The following DCC variants were observed in gnomAD, a reference collection of about 807,000 sequenced individuals.
DCC encodes DCC netrin 1 receptor, also known as netrin receptor DCC.
In DCC, 58 loss-of-function variants were observed where a neutral mutation model predicts 172.5. That is an observed-to-expected ratio of 0.34 (90% CI 0.27 to 0.42). The LOEUF (loss-of-function observed/expected upper bound fraction) is 0.42, where lower values mean the gene tolerates loss of function less well. DCC is among the 10% of genes least tolerant of loss of function. The pLI is 1.00. For missense variants in DCC, 1,740 were observed against 1,791.0 expected (o/e 0.97, Z 0.51); for synonymous variants, 709 against 644.5 (o/e 1.10, Z -1.52).
chr18:53,232,996 C>T (rs2056146663), intron 12 of DCC, among the ~76,000 whole-genome samples: 1 of 151,276 alleles, frequency 6.6e-6, no homozygotes, highest in Non-Finnish European at 1.5e-5. Flanking sequence ...AAAACTGGAC[C>T]TTGTGGTTGA....
At chr18:52,488,201 G>T (rs2030326423) in intron 1 of DCC, among the ~76,000 whole-genome samples, 1 of 152,002 alleles carries the variant, frequency 6.6e-6, no homozygotes, top group South Asian at 2.1e-4. Context: ...CTCATTTTTT[G>T]CAGACTCTTC....
intron 5 of DCC, among the ~76,000 whole-genome samples, chr18:52,978,241 T>C (rs557770798): frequency 6.6e-6 from 1 of 152,086 alleles, no homozygotes; most frequent in African/African-American, 2.4e-5. Context: ...GGAAAATTGC[T>C]GGAAGAGGGG....
chr18:53,072,456 T>C (rs1020659280), intron 7 of DCC, among the ~76,000 whole-genome samples: 1 of 152,204 alleles, frequency 6.6e-6, no homozygotes, highest in African/African-American at 2.4e-5. Flanking sequence ...AGATGTTGCA[T>C]GGCATTCCGT....
At chr18:52,757,950 G>T (rs8082968) in intron 2 of DCC, among the ~76,000 whole-genome samples, 16,149 of 151,988 alleles carry the variant, frequency 0.11, 2,849 homozygotes, top group African/African-American at 0.37. Flanking sequence ...ATTTCAGAAC[G>T]CTGTAAACAA....
intron 1 of DCC, among the ~76,000 whole-genome samples, chr18:52,439,228 T>C (rs1987898635): frequency 6.9e-6 from 1 of 144,812 alleles, no homozygotes; most frequent in Non-Finnish European, 1.5e-5. Flanking sequence ...GTTTCCCTAA[T>C]CACAGAAAAA....
intron 1 of DCC, among the ~76,000 whole-genome samples, chr18:52,742,008 G>A (rs1203707570): frequency 1.3e-5 from 2 of 152,158 alleles, no homozygotes; most frequent in African/African-American, 4.8e-5. Flanking sequence ...ATAAGAAGAA[G>A]AAGAGACATC....
intron 7 of DCC, among the ~76,000 whole-genome samples, chr18:53,076,610 G>A (rs1465153132): frequency 6.6e-6 from 1 of 150,830 alleles, no homozygotes; most frequent in Admixed American, 6.6e-5. Flanking sequence ...AATATAATGA[G>A]GGATTCCATG....
chr18:52,819,650 G>T (rs1001922931), intron 2 of DCC, among the ~76,000 whole-genome samples: 1 of 151,700 alleles, frequency 6.6e-6, no homozygotes, highest in African/African-American at 2.4e-5. Flanking sequence ...AGTGAGGTGT[G>T]TTGTCTTATT....
intron 9 of DCC, among the ~76,000 whole-genome samples, chr18:53,196,724 T>C (rs542243862): frequency 4.6e-5 from 7 of 152,142 alleles, no homozygotes; most frequent in Non-Finnish European, 1.0e-4. Context: ...CCGTTCTATA[T>C]ATATTTATAC....
intron 9 of DCC, among the ~76,000 whole-genome samples, chr18:53,201,984 CAT>C (rs1343842274): frequency 6.6e-6 from 1 of 152,102 alleles, no homozygotes; most frequent in Non-Finnish European, 1.5e-5. Context: ...AGTCATGAAA[CAT>C]ATGTACTGTC....
At chr18:53,066,010 T>C (rs368946542) in intron 6 of DCC, 36 bp from the exon 7 acceptor site, 1 of 1,611,072 alleles carries the variant, frequency 6.2e-7, no homozygotes, top group Non-Finnish European at 8.5e-7. Flanking sequence ...ATTTTTTGCT[T>C]TCTAAAATAC....
At chr18:52,985,176 G>A (rs947294791) in intron 5 of DCC, among the ~76,000 whole-genome samples, 1 of 151,910 alleles carries the variant, frequency 6.6e-6, no homozygotes, top group Non-Finnish European at 1.5e-5. Context: ...GTTAGGCTAT[G>A]CTTACTGTTT....
At chr18:52,650,243 T>C (rs1442986879) in intron 1 of DCC, among the ~76,000 whole-genome samples, 4 of 152,098 alleles carry the variant, frequency 2.6e-5, no homozygotes, top group Non-Finnish European at 5.9e-5. Context: ...CCTCCTACGG[T>C]ACTGGGATTA....
intron 1 of DCC, among the ~76,000 whole-genome samples, chr18:52,452,267 A>G (rs1259856890): frequency 6.6e-6 from 1 of 152,252 alleles, no homozygotes; most frequent in Non-Finnish European, 1.5e-5. Flanking sequence ...GTAGAAATAC[A>G]TTCCATTACC....
chr18:52,989,153 T>C (rs1354559109), intron 5 of DCC, among the ~76,000 whole-genome samples: 1 of 152,148 alleles, frequency 6.6e-6, no homozygotes, highest in Non-Finnish European at 1.5e-5. Flanking sequence ...CCCAAAATAA[T>C]AATACTTCAG....
At chr18:52,425,178 G>T (rs530994973) in intron 1 of DCC, among the ~76,000 whole-genome samples, 20 of 152,234 alleles carry the variant, frequency 1.3e-4, no homozygotes, top group African/African-American at 4.8e-4. Context: ...TATAAGCTAT[G>T]TTACAAAATA....
intron 1 of DCC, among the ~76,000 whole-genome samples, chr18:52,476,055 C>G (rs1384084876): frequency 6.6e-6 from 1 of 152,146 alleles, no homozygotes; most frequent in Non-Finnish European, 1.5e-5. Flanking sequence ...ACAACTGAAG[C>G]AAAGCTCCAG....
chr18:53,256,480 G>C (rs62100781), intron 12 of DCC, among the ~76,000 whole-genome samples: 44,217 of 150,180 alleles, frequency 0.29, 8,446 homozygotes, highest in Non-Finnish European at 0.44. Flanking sequence ...ATCCTTTCCT[G>C]ATTTCTTGTT....
chr18:52,739,003 C>G (rs1161899476), intron 1 of DCC, among the ~76,000 whole-genome samples: 1 of 152,066 alleles, frequency 6.6e-6, no homozygotes, highest in Non-Finnish European at 1.5e-5. Context: ...TCACCTCGGC[C>G]TCCCTAATTG....
Sources: gnomAD v4.1 joint callset for allele counts (sites outside exome capture counted in the v4.1 genomes callset) on GRCh38, gnomAD v4.1.1 for gene constraint, MANE v1.5 for transcripts, NCBI Gene and HGNC (gene_info 2026-07-23, HGNC 2026-07-21) for gene names.